PIEZO2: variants seen among roughly 807,000 people sequenced by gnomAD.
The protein encoded by PIEZO2 is piezo type mechanosensitive ion channel component 2.
In PIEZO2, 172 loss-of-function variants were observed where a neutral mutation model predicts 337.3. That is an observed-to-expected ratio of 0.51 (90% CI 0.45 to 0.58). The LOEUF is 0.58. Among genes scored for constraint, PIEZO2 ranks in the 20% least tolerant of loss-of-function variants. The pLI is 0.00. For missense variants in PIEZO2, 3,028 were observed against 3,391.3 expected, an observed-to-expected ratio of 0.89 and a Z score of 2.66; for synonymous variants, 1,251 against 1,228.5, an observed-to-expected ratio of 1.02 and a Z score of -0.38.
intron 7 of PIEZO2, among the ~76,000 whole-genome samples, chr18:10,812,113 G>A (rs927233927): frequency 3.9e-5 from 6 of 152,330 alleles, no homozygotes; most frequent in South Asian, 2.1e-4. Context: ...GATTACAGGC[G>A]TGAGCCACTG....
chr18:10,698,164 G>A (rs2035181728), intron 44 of PIEZO2, among the ~76,000 whole-genome samples: 1 of 152,204 alleles, frequency 6.6e-6, no homozygotes, highest in Admixed American at 6.5e-5. Context: ...AGGGTACTAG[G>A]ATGCAGGTGT....
At position 10,722,307 on chromosome 18, in the gene PIEZO2, T is replaced by G. The variant is rs2036348188; in HGVS notation, c.5030-4048A>C. 3.3e-5 allele frequency among the ~76,000 whole-genome samples: 5 copies of G among 151,702 alleles called. No homozygotes were observed. In the South Asian group the frequency reaches 1.0e-3, roughly 32 times the overall value. ...GTGCAGTGGTGCGGTCTCAGCTCAC[T>G]GCAACCTCCACCTCCCAAGTTCAAG... On this transcript the variant is annotated intron_variant, in intron 36 of 55. Transcript: ENST00000674853.
Position 10,724,929 on chromosome 18 carries a change from G to T in PIEZO2, c.5029+6478C>A. The T allele has an allele frequency of 6.2e-7, 1 of 1,604,608 alleles. No individual in the cohort carries two copies. The highest frequency in any genetic ancestry group is 8.5e-7 in the Non-Finnish European group (1 of 1,174,626). Reference sequence around the variant, plus strand: ...CCCTGGGACAGCCTCCACCTGGACGGCGATGGAACCCAGGTGGGCGCACCC... The same window carrying T: ...CCCTGGGACAGCCTCCACCTGGACGTCGATGGAACCCAGGTGGGCGCACCC... On this transcript the variant is annotated intron_variant, in intron 36 of 55. Coordinates refer to ENST00000674853, the MANE Select transcript of PIEZO2 (RefSeq NM_001378183.1). This position sits in a 1 kb window ranked among gnomAD's most constrained non-coding sequence, Gnocchi z 5.8.
At chr18:10,691,707 T>C (rs1407683345) in intron 47 of PIEZO2, among the ~76,000 whole-genome samples, 2 of 149,076 alleles carry the variant, frequency 1.3e-5, no homozygotes, top group Admixed American at 1.4e-4. Flanking sequence ...TAGTCCAAAT[T>C]AGACTCCTGA....
chr18:10,997,336 A>G (rs1462140324), intron 2 of PIEZO2, among the ~76,000 whole-genome samples: 1 of 152,170 alleles, frequency 6.6e-6, no homozygotes. Context: ...ATAACGTAAT[A>G]TTCAAAATGT....
In PIEZO2 at chr18:10,707,774, C is replaced by T. The variant is rs1010829971; in HGVS notation, c.5588+501G>A. Among the ~76,000 whole-genome samples, 1 of 152,198 alleles carries T rather than the reference C, an allele frequency of 6.6e-6. No homozygotes were observed. The highest frequency in any genetic ancestry group is 2.4e-5 in the African/African-American group (1 of 41,448). The stretch of plus-strand genomic sequence containing the variant: ...AAACCAATGGTAAACTATATTCTGA[C>T]TTTTATGTCAATTAGGCAGATAACA... On this transcript the variant is annotated intron_variant, in intron 40 of 55. Coordinates refer to ENST00000674853, the MANE Select transcript of PIEZO2 (RefSeq NM_001378183.1). This position sits in a 1 kb window ranked among gnomAD's most constrained non-coding sequence, Gnocchi z 4.2.
intron 1 of PIEZO2, among the ~76,000 whole-genome samples, chr18:11,072,573 C>T (rs193181121): frequency 1.7e-4 from 26 of 152,314 alleles, no homozygotes; most frequent in African/African-American, 6.0e-4. Context: ...TACTAATGTG[C>T]TTACTGTGTG....
chr18:10,867,852 TG>T (rs777270786), intron 5 of PIEZO2, among the ~76,000 whole-genome samples: 1 of 152,266 alleles, frequency 6.6e-6, no homozygotes, highest in Non-Finnish European at 1.5e-5. Flanking sequence ...CAGTTATGAC[TG>T]ATTTGTAGAT....
chr18:10,778,481 C>T (rs138383252), intron 18 of PIEZO2, among the ~76,000 whole-genome samples: 2,680 of 152,050 alleles, frequency 0.018, 66 homozygotes, highest in African/African-American at 0.06. Context: ...TACAGGCGCC[C>T]GCCACCACAC....
intron 47 of PIEZO2, among the ~76,000 whole-genome samples, chr18:10,695,628 CCTCTAT>C (rs2035047190): frequency 6.6e-6 from 1 of 152,060 alleles, no homozygotes; most frequent in South Asian, 2.1e-4. Flanking sequence ...CAACCCTCTC[CCTCTAT>C]CTCTTCTTCT....
rs538443513 is a variant in PIEZO2 at position 10,993,031 on chromosome 18, T to A, written c.161-13371A>T. Among the ~76,000 whole-genome samples the A allele has an allele frequency of 2.6e-5, 4 of 152,322 alleles. No homozygotes were observed. In the East Asian group the frequency reaches 7.7e-4, roughly 29 times the overall value. On this transcript the variant is annotated intron_variant, in intron 2 of 55. Coordinates refer to ENST00000674853, the MANE Select transcript of PIEZO2 (RefSeq NM_001378183.1). This position sits in a 1 kb window ranked among gnomAD's most constrained non-coding sequence, Gnocchi z 5.0. ...CATTCATGATTTGGCTGTTTGTCTG[T>A]TATTGGTGTATAGGAATGCTTGTGA...
In PIEZO2 at chr18:10,726,277, G is replaced by T; in HGVS notation, c.5029+5130C>A. Reference sequence around the variant, plus strand: ...AGCCTGTGTTCGGGAGCATGAGAATGGAAGCGTCGCGGCCAGAGCCCCGGC... The same window carrying T: ...AGCCTGTGTTCGGGAGCATGAGAATTGAAGCGTCGCGGCCAGAGCCCCGGC... On this transcript the variant is annotated intron_variant, in intron 36 of 55. Transcript: ENST00000674853. This position sits in a 1 kb window ranked among gnomAD's most constrained non-coding sequence, Gnocchi z 5.9. The T allele has an allele frequency of 1.2e-6, 1 of 857,706 alleles. No individual in the cohort carries two copies. The highest frequency in any genetic ancestry group is 1.5e-5 in the South Asian group (1 of 65,978). The allele number at this position is 857,706 out of a possible 1,614,324, so 53.1% of individuals were successfully genotyped here.
rs4239288 is a variant in PIEZO2 at position 10,701,689 on chromosome 18, A to G, written c.6441+300T>C. Among the ~76,000 whole-genome samples, 34,520 of 152,180 alleles carry G rather than the reference A, an allele frequency of 0.23. 3,965 individuals carry two copies. The highest frequency in any genetic ancestry group is 0.28 in the South Asian group (1,336 of 4,820). On this transcript the variant is annotated intron_variant, in intron 43 of 55. Coordinates refer to ENST00000674853, the MANE Select transcript of PIEZO2 (RefSeq NM_001378183.1). ...CACATCATTCAAGCAATGTTCCACA[A>G]AAGTGGATTCACGATTACACATTTA...
intron 2 of PIEZO2, among the ~76,000 whole-genome samples, chr18:11,030,203 A>AC (rs1203701578): frequency 6.6e-6 from 1 of 152,236 alleles, no homozygotes; most frequent in African/African-American, 2.4e-5. Context: ...AAGTGTTTGA[A>AC]TAAACACTCG....
At chr18:10,957,380 G>A (rs1421761205) in intron 3 of PIEZO2, among the ~76,000 whole-genome samples, 2 of 148,804 alleles carry the variant, frequency 1.3e-5, no homozygotes, top group Non-Finnish European at 3.0e-5. Flanking sequence ...CTGGGTGACA[G>A]AGACTCTTGT....
At chr18:10,916,215 G>A (rs1047938413) in intron 3 of PIEZO2, among the ~76,000 whole-genome samples, 2 of 152,178 alleles carry the variant, frequency 1.3e-5, no homozygotes, top group Non-Finnish European at 2.9e-5. Context: ...CCCAACTCAG[G>A]AGCCCAGCTG....
At position 11,002,963 on chromosome 18, in the gene PIEZO2, G is replaced by C. The variant is rs564393412; in HGVS notation, c.161-23303C>G. Among the ~76,000 whole-genome samples, 1 of 152,202 alleles carries C rather than the reference G, an allele frequency of 6.6e-6. No homozygotes were observed. Among genetic ancestry groups the C allele is most frequent in the South Asian group, 2.1e-4 (1 of 4,832 alleles). ...TTGATTAACCAGTGCCACTCAAACAGAGGAAGTGAGGCAAGAGGCGCTCCT... is the reference window on the plus strand; with the variant it reads ...TTGATTAACCAGTGCCACTCAAACACAGGAAGTGAGGCAAGAGGCGCTCCT... On this transcript the variant is annotated intron_variant, in intron 2 of 55. Coordinates refer to ENST00000674853, the MANE Select transcript of PIEZO2 (RefSeq NM_001378183.1). This position sits in a 1 kb window ranked among gnomAD's most constrained non-coding sequence, Gnocchi z 4.3.
rs1437921891 is a variant in PIEZO2 at position 10,672,862 on chromosome 18, T to A, written c.8173A>T (p.Met2725Leu). The A allele has an allele frequency of 6.3e-7, 1 of 1,598,430 alleles. No homozygotes were observed. The highest frequency in any genetic ancestry group is 8.5e-7 in the Non-Finnish European group (1 of 1,174,096). The change falls in exon 55 of 56, where the codon ATG (methionine) becomes TTG (leucine). Residue 2725 changes from methionine to leucine, a missense_variant. Around this residue, in one of 5 missense-constraint regions of PIEZO2, gnomAD observed 332 missense variants for 363.8 expected, o/e 0.91. Transcript: ENST00000674853. The surrounding 1 kb of genome is among the most constrained non-coding windows in gnomAD (Gnocchi z 4.7). ...CTGGACAAAATGATGGTAATATCCA[T>A]GAAATTATTTTCTAGAAGGGTAGAA... ...IKQLLSENNF[M>L]DITIILSRDN...
At chr18:11,030,442 C>T (rs907706685) in intron 2 of PIEZO2, among the ~76,000 whole-genome samples, 2 of 152,170 alleles carry the variant, frequency 1.3e-5, no homozygotes, top group African/African-American at 4.8e-5. Context: ...AAGCCCACCC[C>T]CATCACTTAG....
Sources: gnomAD v4.1 joint callset for allele counts (sites outside exome capture counted in the v4.1 genomes callset) on GRCh38, gnomAD v4.1.1 for gene constraint, gnomAD v4.1.1 regional missense constraint, Gnocchi (gnomAD v3.1) non-coding constraint, MANE v1.5 for transcripts, NCBI Gene and HGNC (gene_info 2026-07-23, HGNC 2026-07-21) for gene names.